Variants in C4orf50 observed in about 807,000 individuals in gnomAD.
C4orf50 encodes the protein chromosome 4 open reading frame 50.
Under a neutral mutation model 77.2 loss-of-function variants are expected in C4orf50, and 80 were observed. The observed-to-expected ratio is 1.04, with a 90% CI of 0.87 to 1.25. The LOEUF (loss-of-function observed/expected upper bound fraction) is 1.25, where lower values mean the gene tolerates loss of function less well. Ranked by LOEUF, C4orf50 falls within the 50% of genes most tolerant of loss-of-function variation. The probability of loss-of-function intolerance (pLI) is 0.00; values close to 1 mark genes in which losing one functional copy is unlikely to be tolerated. For synonymous variants in C4orf50, 532 were observed against 465.3 expected (o/e 1.14, Z -1.84); for missense variants, 1,257 against 1,152.9 (o/e 1.09, Z -1.31).
Position 5,901,922 on chromosome 4 carries a change from A to C in C4orf50, c.*2475-3734T>G, listed in dbSNP as rs567632095. On this transcript the variant is annotated intron_variant, in intron 7 of 7. Coordinates refer to the C4orf50 transcript ENST00000324058. The surrounding 1 kb of genome is among the most constrained non-coding windows in gnomAD (Gnocchi z 4.4). ...CCAGGTAAAGCCAAGGCCCTTGGAA[A>C]GGCAGCTCAGAAGAGGCCCTTAATG... 164 of 152,378 alleles carry C rather than the reference A, an allele frequency of 1.1e-3. No homozygotes were observed. The South Asian group carries it at 0.029, about 27-fold the overall frequency. The allele number at this position is 152,378 out of a possible 1,614,324, so 9.4% of individuals were successfully genotyped here.
intron 28 of C4orf50, among the ~76,000 whole-genome samples, chr4:5,985,842 G>A (rs1720826550): frequency 6.6e-6 from 1 of 152,094 alleles, no homozygotes; most frequent in Non-Finnish European, 1.5e-5. Flanking sequence ...GATGGTGGGT[G>A]CCAGTAGTCT....
intron 31 of C4orf50, among the ~76,000 whole-genome samples, chr4:5,968,053 T>A (rs1488655367): frequency 6.6e-6 from 1 of 152,214 alleles, no homozygotes; most frequent in African/African-American, 2.4e-5. Context: ...TCACTTCCTC[T>A]TGGGTGTTTC....
exon 8 of C4orf50, chr4:5,898,053 A>G (rs1716201224): frequency 6.6e-6 from 1 of 152,206 alleles, no homozygotes; most frequent in African/African-American, 2.4e-5. Flanking sequence ...GTGTACAGTT[A>G]TTGTGCATTT....
rs1716355153 is a variant in C4orf50, at chr4:5,901,826, T to C, written c.*2475-3638A>G. ...TCTGGGGCCCAAGACAGGTATATTC[T>C]CTGGTACTGCCAGAGAAGTGGGTGA... On this transcript the variant is annotated intron_variant, in intron 7 of 7. Coordinates refer to the C4orf50 transcript ENST00000324058. This position sits in a 1 kb window ranked among gnomAD's most constrained non-coding sequence, Gnocchi z 4.4. The C allele has an allele frequency of 6.6e-6, 1 of 152,202 alleles. No homozygotes were observed. The highest frequency in any genetic ancestry group is 1.5e-5 in the Non-Finnish European group (1 of 68,070). The allele number at this position is 152,202 out of a possible 1,614,324, so 9.4% of individuals were successfully genotyped here.
chr4:5,924,118 T>G (rs1717406282), intron 7 of C4orf50, among the ~76,000 whole-genome samples: 1 of 152,202 alleles, frequency 6.6e-6, no homozygotes, highest in Non-Finnish European at 1.5e-5. Context: ...GCTTCCCTGC[T>G]TTTGAGGTTT....
At chr4:5,944,857 G>A (rs1030754002) in intron 7 of C4orf50, among the ~76,000 whole-genome samples, 5 of 152,158 alleles carry the variant, frequency 3.3e-5, no homozygotes, top group African/African-American at 1.2e-4. Context: ...GGAGATCAGA[G>A]AGGAGAGGAC....
At position 6,011,761 on chromosome 4, in the gene C4orf50, A is replaced by C; in HGVS notation, c.426+69T>G. The C allele has an allele frequency of 2.5e-6, 1 of 398,960 alleles. No homozygotes were observed. Among genetic ancestry groups the C allele is most frequent in the Non-Finnish European group, 4.4e-6 (1 of 226,134 alleles). 24.7% of individuals were successfully genotyped at this position (398,960 alleles called of 1,614,324 possible). On this transcript the variant is annotated intron_variant, in intron 24 of 33. Transcript: ENST00000531445. The surrounding 1 kb of genome is among the most constrained non-coding windows in gnomAD (Gnocchi z 4.2). Reference sequence around the variant, plus strand: ...CCCTGTACTGTCTTTGCCCAACTGCAGCTGCTGCTGAGTTCCCACGGCTCT... The same window carrying C: ...CCCTGTACTGTCTTTGCCCAACTGCCGCTGCTGCTGAGTTCCCACGGCTCT...
rs533761354 is a variant in C4orf50, at chr4:5,989,494, C to T, written c.2552G>A (p.Arg851Lys). ...TCCCCAAACCTGCTGAGAGTGAGCT[C>T]TCTCCCAGCCACTGTGCCACTTCTG... is the stretch of plus-strand genomic sequence containing the variant. The change falls in exon 28 of 34, where the codon AGA becomes AAA. Residue 851 changes from arginine to lysine, a missense_variant. Arg to Lys is a conservative substitution (Grantham distance 26, BLOSUM62 2). Transcript: ENST00000531445. The T allele has an allele frequency of 2.1e-4, 323 of 1,536,124 alleles. 1 individual carries two copies. In the African/African-American group the frequency reaches 3.8e-3, roughly 18 times the overall value.
At chr4:6,016,762 CA>C (rs1179075148) in intron 23 of C4orf50, among the ~76,000 whole-genome samples, 6 of 152,024 alleles carry the variant, frequency 3.9e-5, no homozygotes, top group Admixed American at 3.9e-4. Flanking sequence ...CATAGAGTAA[CA>C]GAAGAATTTT....
chr4:5,956,368 C>T (rs945316171), downstream of C4orf50, among the ~76,000 whole-genome samples: 6 of 152,338 alleles, frequency 3.9e-5, no homozygotes, highest in East Asian at 3.9e-4. Context: ...ATTGGTCAGC[C>T]GCCCACTCCA....
chr4:5,925,014 T>TG (rs931683167), intron 7 of C4orf50, among the ~76,000 whole-genome samples: 12 of 144,794 alleles, frequency 8.3e-5, no homozygotes, highest in Non-Finnish European at 1.8e-4. Flanking sequence ...GGGAGAGGTT[T>TG]GGGGGGTGGG....
At chr4:5,993,726 A>T (rs1410277682) in intron 26 of C4orf50, among the ~76,000 whole-genome samples, 1 of 152,106 alleles carries the variant, frequency 6.6e-6, no homozygotes, top group Non-Finnish European at 1.5e-5. Context: ...CTGAGACAGG[A>T]GAATAGCTTG....
exon 30 of C4orf50, chr4:5,975,900 T>C: frequency 6.2e-7 from 1 of 1,608,844 alleles, no homozygotes; most frequent in Admixed American, 1.7e-5. Context: ...ACATATTACC[T>C]TCAGGGGAGT....
At chr4:5,935,390 G>A (rs1452266141) in intron 7 of C4orf50, among the ~76,000 whole-genome samples, 1 of 152,222 alleles carries the variant, frequency 6.6e-6, no homozygotes, top group East Asian at 1.9e-4. Flanking sequence ...CCATCCTTAA[G>A]AAGATGTAAC....
rs1370137087 is a variant in C4orf50, at chr4:5,927,032, C to A, written c.*2475-28844G>T. Among the ~76,000 whole-genome samples the A allele has an allele frequency of 2.0e-5, 3 of 152,148 alleles. No individual in the cohort carries two copies. In the East Asian group the frequency reaches 5.8e-4, roughly 29 times the overall value. On this transcript the variant is annotated intron_variant, in intron 7 of 7. Coordinates refer to the C4orf50 transcript ENST00000324058. ...GTTCTGGTGAAATGCGTGGAAATTCCTGCTTTTACGATGCCCACTGTGGAA... is the reference window on the plus strand; with the variant it reads ...GTTCTGGTGAAATGCGTGGAAATTCATGCTTTTACGATGCCCACTGTGGAA...
At chr4:5,978,834 C>A (rs1720418625) in intron 29 of C4orf50, among the ~76,000 whole-genome samples, 1 of 152,172 alleles carries the variant, frequency 6.6e-6, no homozygotes, top group South Asian at 2.1e-4. Flanking sequence ...CACATCCACC[C>A]AATAGATTAC....
At chr4:5,925,947 A>C (rs775378294) in intron 7 of C4orf50, among the ~76,000 whole-genome samples, 18 of 152,184 alleles carry the variant, frequency 1.2e-4, no homozygotes, top group Non-Finnish European at 1.5e-5. Context: ...GAGGCCTCAC[A>C]GGGAAGGCTG....
Position 6,017,187 on chromosome 4 carries a change from A to C in C4orf50, c.287+958T>G, listed in dbSNP as rs1722714342. Among the ~76,000 whole-genome samples, 1 of 152,246 alleles carries C rather than the reference A, an allele frequency of 6.6e-6. No homozygotes were observed. Among genetic ancestry groups the C allele is most frequent in the African/African-American group, 2.4e-5 (1 of 41,474 alleles). On this transcript the variant is annotated intron_variant, in intron 23 of 33. Coordinates refer to ENST00000531445, the Ensembl canonical transcript of C4orf50. This position sits in a 1 kb window ranked among gnomAD's most constrained non-coding sequence, Gnocchi z 4.7. ...AACGAATGCGGAGAACCTATTTCAA[A>C]GATGACAGCAGAGTCCAAAGGCCAG...
chr4:5,999,807 G>T (rs1202733617), intron 25 of C4orf50, among the ~76,000 whole-genome samples: 3 of 152,168 alleles, frequency 2.0e-5, no homozygotes, highest in Middle Eastern at 3.2e-3. Context: ...GTCTTCCAGA[G>T]AAAGCAACAT....
Sources: allele counts gnomAD v4.1 joint callset (sites outside exome capture counted in the v4.1 genomes callset), GRCh38; gene constraint gnomAD v4.1.1; non-coding constraint Gnocchi (gnomAD v3.1); transcripts MANE v1.5; gene names NCBI Gene and HGNC (gene_info 2026-07-23, HGNC 2026-07-21).